The following TTC8 variants were observed in gnomAD, a reference collection of about 807,000 sequenced individuals.
TTC8 encodes tetratricopeptide repeat protein 8.
A neutral mutation model predicts 72.5 loss-of-function variants in TTC8; 47 were observed. The observed-to-expected ratio is 0.65, with a 90% CI of 0.51 to 0.83. The LOEUF (loss-of-function observed/expected upper bound fraction) is 0.83. Among genes scored for constraint, TTC8 ranks in the 40% least tolerant of loss-of-function variants. TTC8 has a pLI of 0.00. For synonymous variants in TTC8, 199 were observed against 221.4 expected (o/e 0.90, Z 0.90); for missense variants, 611 against 623.2 (o/e 0.98, Z 0.21).
intron 13 of TTC8, among the ~76,000 whole-genome samples, chr14:88,874,671 A>T (rs2094949347): frequency 1.3e-5 from 2 of 152,184 alleles, no homozygotes; most frequent in African/African-American, 4.8e-5. Context: ...ATTAAGTAGA[A>T]TGTTGTAGTA....
intron 10 of TTC8, among the ~76,000 whole-genome samples, chr14:88,862,427 A>T (rs1465408795): frequency 6.7e-6 from 1 of 149,250 alleles, no homozygotes; most frequent in African/African-American, 2.5e-5. Context: ...TAACATTGGT[A>T]TAAGAATGGA....
chr14:88,861,133 T>A, intron 9 of TTC8, 89 bp from the exon 10 acceptor site: 4 of 1,000,952 alleles, frequency 4.0e-6, no homozygotes, highest in Non-Finnish European at 6.1e-6. Flanking sequence ...ATCTAGGAGA[T>A]AATTTGTTAC....
intron 13 of TTC8, 64 bp from the exon 14 acceptor site, chr14:88,874,962 C>A: frequency 2.3e-6 from 3 of 1,286,782 alleles, no homozygotes; most frequent in South Asian, 1.3e-5. Context: ...AAAAAAAACA[C>A]AAATATGGTG....
Position 88,875,104 on chromosome 14 carries a change from G to C in TTC8, c.1426G>C (p.Asp476His). The change falls in exon 14 of 15, where the codon GAT (aspartate) becomes CAT (histidine). Residue 476 changes from aspartate to histidine, a missense_variant. Asp to His is a moderately conservative substitution (Grantham distance 81). Coordinates refer to ENST00000380656, the MANE Select transcript of TTC8 (RefSeq NM_144596.4). ...GCATTTTAATTTTGCAACAATCTCTGATAAGGTATTCTCTTTCTTCATTAA... is the reference window on the plus strand; with the variant it reads ...GCATTTTAATTTTGCAACAATCTCTCATAAGGTATTCTCTTTCTTCATTAA... ...EPHFNFATIS[D>H]KIGDLQRSYV... 6.2e-7 allele frequency: 1 copy of C among 1,609,362 alleles called. No homozygotes were observed. Among genetic ancestry groups the C allele is most frequent in the Non-Finnish European group, 8.5e-7 (1 of 1,176,716 alleles).
chr14:88,872,487 G>C (rs1346136177), intron 13 of TTC8, 35 bp downstream of exon 13: 1 of 1,611,286 alleles, frequency 6.2e-7, no homozygotes, highest in East Asian at 2.2e-5. Flanking sequence ...TGGGCAGTCT[G>C]CTTTCTTCAG....
intron 7 of TTC8, among the ~76,000 whole-genome samples, chr14:88,848,505 G>A (rs538590446): frequency 6.6e-6 from 1 of 152,210 alleles, no homozygotes; most frequent in African/African-American, 2.4e-5. Context: ...TGCTGTATTT[G>A]CAATGGTGTT....
At chr14:88,872,799 C>G (rs2094940577) in intron 13 of TTC8, among the ~76,000 whole-genome samples, 1 of 152,132 alleles carries the variant, frequency 6.6e-6, no homozygotes, top group African/African-American at 2.4e-5. Flanking sequence ...TTTATTGCTT[C>G]CCCCTGCCAC....
intron 6 of TTC8, 36 bp downstream of exon 6, chr14:88,841,550 T>A (rs746897230): frequency 1.4e-6 from 2 of 1,468,354 alleles, no homozygotes; most frequent in Non-Finnish European, 1.9e-6. Flanking sequence ...TATGAAGTAA[T>A]ATTACACGTA....
intron 9 of TTC8, among the ~76,000 whole-genome samples, chr14:88,859,289 G>A (rs780828198): frequency 1.1e-4 from 17 of 151,998 alleles, no homozygotes; most frequent in Admixed American, 4.6e-4. Context: ...GTGGTAGACC[G>A]GATAATGAAA....
At chr14:88,846,637 C>G in intron 7 of TTC8, 1 of 1,466,126 alleles carries the variant, frequency 6.8e-7, no homozygotes, top group Non-Finnish European at 9.2e-7. Flanking sequence ...TGGAATTTAC[C>G]CATTCTTATT....
chr14:88,880,418 T>C (rs1427241032), downstream of TTC8: 1 of 152,130 alleles, frequency 6.6e-6, no homozygotes, highest in Non-Finnish European at 1.5e-5. Flanking sequence ...GACATGTTGT[T>C]ATAATCCTTG....
rs554201439 is a variant in TTC8 at position 88,877,446 on chromosome 14, C to T, written c.*36C>T. ...GACCACATATGTTCTTATGAAGCAG[C>T]ATTATGCAAGGGGAAAAAAGCACTA... On this transcript the variant is annotated 3_prime_UTR_variant, in exon 15 of 15. Transcript: ENST00000380656. 1.3e-6 allele frequency: 2 copies of T among 1,547,042 alleles called. No individual in the cohort carries two copies. The highest frequency in any genetic ancestry group is 2.2e-5 in the South Asian group (2 of 89,686).
intron 10 of TTC8, among the ~76,000 whole-genome samples, chr14:88,868,293 A>G (rs1157749437): frequency 1.3e-5 from 2 of 152,346 alleles, no homozygotes; most frequent in East Asian, 3.8e-4. Flanking sequence ...GAATGAATTA[A>G]TAAGTAAATG....
Position 88,857,194 on chromosome 14 carries a change from G to C in TTC8, c.715G>C (p.Gly239Arg), listed in dbSNP as rs374351698. 10 of 1,613,592 alleles carry C rather than the reference G, an allele frequency of 6.2e-6. No individual in the cohort carries two copies. In the African/African-American group the frequency reaches 1.3e-4, roughly 22 times the overall value. The change falls in exon 9 of 15, where the codon GGA (glycine) becomes CGA (arginine). Residue 239 changes from glycine to arginine, a missense_variant. Transcript: ENST00000380656. ...TCTTAAAATTGCTATTTGTAGGTTGGGAATGTATCGTGAAGCAGAAAAACA... is the reference window on the plus strand; with the variant it reads ...TCTTAAAATTGCTATTTGTAGGTTGCGAATGTATCGTGAAGCAGAAAAACA... ...VQIGKCYYRLGMYREAEKQFK... is the reference protein window; with the variant it reads ...VQIGKCYYRLRMYREAEKQFK...
intron 7 of TTC8, among the ~76,000 whole-genome samples, chr14:88,848,607 A>G (rs2094819615): frequency 6.6e-6 from 1 of 152,192 alleles, no homozygotes; most frequent in South Asian, 2.1e-4. Flanking sequence ...AAATAGCATG[A>G]TGGAATCTTA....
chr14:88,864,981 A>G (rs1225832362), intron 10 of TTC8, among the ~76,000 whole-genome samples: 4 of 151,750 alleles, frequency 2.6e-5, no homozygotes, highest in Admixed American at 1.3e-4. Flanking sequence ...TTTATCTTTC[A>G]TTGTTGAAGA....
chr14:88,839,399 G>A (rs770056583), intron 2 of TTC8, 53 bp from the exon 3 acceptor site: 185 of 1,579,880 alleles, frequency 1.2e-4, no homozygotes, highest in Non-Finnish European at 1.6e-4. Flanking sequence ...TATAAGCTGT[G>A]TAGTATTTCT....
chr14:88,869,290 T>TATATA (rs1407344340), intron 10 of TTC8, among the ~76,000 whole-genome samples: 1 of 152,226 alleles, frequency 6.6e-6, no homozygotes, highest in Non-Finnish European at 1.5e-5. Flanking sequence ...TTAGAAAGAA[T>TATATA]ATATAATAAC....
chr14:88,831,595 T>C (rs906948569), intron 1 of TTC8, among the ~76,000 whole-genome samples: 2 of 152,186 alleles, frequency 1.3e-5, no homozygotes, highest in African/African-American at 4.8e-5. Context: ...CTGTAAATGG[T>C]GATGATAGTA....
Sources: gnomAD v4.1 joint callset for allele counts (sites outside exome capture counted in the v4.1 genomes callset) on GRCh38, gnomAD v4.1.1 for gene constraint, MANE v1.5 for transcripts, NCBI Gene and HGNC (gene_info 2026-07-23, HGNC 2026-07-21) for gene names.